Variants in BMP3 observed in about 807,000 individuals in gnomAD.
The protein encoded by BMP3 is bone morphogenetic protein 3 (osteogenic).
In BMP3, 23 loss-of-function variants were observed where a neutral mutation model predicts 38.1. That is an observed-to-expected ratio of 0.60 (90% confidence interval 0.43 to 0.86). The LOEUF is 0.86. Ranked by LOEUF, BMP3 falls within the 40% of genes least tolerant of loss-of-function variation. BMP3 has a pLI of 0.00. For missense variants in BMP3, 628 were observed against 579.6 expected (o/e 1.08, Z -0.86); for synonymous variants, 258 against 225.7 (o/e 1.14, Z -1.28).
chr4:81,031,634 T>C lies in BMP3; in HGVS notation c.316+34T>C, dbSNP rs780508247. The C allele has an allele frequency of 2.1e-5, 32 of 1,517,356 alleles. No individual in the cohort carries two copies. The Middle Eastern group carries it at 1.4e-3, about 66-fold the overall frequency. The allele number at this position is 1,517,356 out of a possible 1,614,324, so 94.0% of individuals were successfully genotyped here. A position where few individuals can be genotyped will look rare whatever the true frequency, so the allele number is the denominator to read the frequency against. On this transcript the variant is annotated intron_variant, in intron 1 of 2. Coordinates refer to ENST00000282701, the MANE Select transcript of BMP3 (RefSeq NM_001201.5). The stretch of plus-strand genomic sequence containing the variant: ...GCGAGGTGAGACTCCCTTCCCGCGG[T>C]CCCGCCCCAGCTTTCTCCCGGGACC...
At chr4:81,042,629 G>A (rs1009053203) in intron 1 of BMP3, among the ~76,000 whole-genome samples, 1 of 152,222 alleles carries the variant, frequency 6.6e-6, no homozygotes, top group African/African-American at 2.4e-5. Context: ...AGGTCACAAG[G>A]TGACTAGAAG....
chr4:81,031,455 T>C lies in BMP3; in HGVS notation c.171T>C (p.Ser57=), dbSNP rs375336433. 3 of 1,613,488 alleles carry C rather than the reference T, an allele frequency of 1.9e-6. No homozygotes were observed. In the African/African-American group the frequency reaches 4.0e-5, roughly 22 times the overall value. The stretch of plus-strand genomic sequence containing the variant: ...AGCTGCAGCCGCAAGACAAGGTCTC[T>C]GAACACATGCTGCGGCTCTATGACA... ...DSELQPQDKV[S]EHMLRLYDRY... The change falls in exon 1 of 3, where the codon TCT becomes TCC. Residue 57 remains serine (S), a synonymous_variant. Transcript: ENST00000282701.
chr4:81,041,371 A>C (rs183259857), intron 1 of BMP3, among the ~76,000 whole-genome samples: 2 of 152,338 alleles, frequency 1.3e-5, no homozygotes, highest in East Asian at 3.9e-4. Context: ...AGAATCAGAG[A>C]AGGCAAAAAT....
chr4:81,052,134 T>G (rs541676130), intron 2 of BMP3, among the ~76,000 whole-genome samples: 9 of 152,162 alleles, frequency 5.9e-5, no homozygotes, highest in African/African-American at 2.2e-4. Flanking sequence ...AAAATACCAA[T>G]CCACTGGGGC....
At chr4:81,034,486 A>C (rs985134105) in intron 1 of BMP3, among the ~76,000 whole-genome samples, 4 of 152,158 alleles carry the variant, frequency 2.6e-5, no homozygotes, top group Non-Finnish European at 5.9e-5. Flanking sequence ...TGATCTTTTA[A>C]GATACTTTAG....
At chr4:81,040,315 C>T (rs1740035506) in intron 1 of BMP3, among the ~76,000 whole-genome samples, 1 of 152,154 alleles carries the variant, frequency 6.6e-6, no homozygotes. Context: ...GTTATAGTTA[C>T]TTGCAAGGGA....
At chr4:81,051,551 G>C (rs1740400234) in intron 2 of BMP3, among the ~76,000 whole-genome samples, 1 of 152,118 alleles carries the variant, frequency 6.6e-6, no homozygotes, top group Admixed American at 6.6e-5. Flanking sequence ...TTAGATTATT[G>C]AGTCATAAAA....
rs1740473239 is a variant in BMP3 at position 81,053,854 on chromosome 4, CT to C, written c.*321del. ...CACACTGGTTTATTTTTGTAATGTT[CT>C]TTGAAAACAGAATGGAGAAGCAGCA... On this transcript the variant is annotated 3_prime_UTR_variant, in exon 3 of 3. Transcript: ENST00000282701. 1 of 171,814 alleles carries C rather than the reference CT, an allele frequency of 5.8e-6. No homozygotes were observed. The highest frequency in any genetic ancestry group is 1.2e-5 in the Non-Finnish European group (1 of 81,104). The allele number at this position is 171,814 out of a possible 1,614,324, so 10.6% of individuals were successfully genotyped here.
rs980114159 is a variant in BMP3 at position 81,055,231 on chromosome 4, G to A, written c.*1695G>A. On this transcript the variant is annotated 3_prime_UTR_variant, in exon 3 of 3. Transcript: ENST00000282701. ...TAAATGAAAGAACATCCTATACTTCGCTGTTTGTAAATTAGTATGGCATTC... is the reference window on the plus strand; with the variant it reads ...TAAATGAAAGAACATCCTATACTTCACTGTTTGTAAATTAGTATGGCATTC... 2.6e-5 allele frequency: 4 copies of A among 152,096 alleles called. No homozygotes were observed. Among genetic ancestry groups the A allele is most frequent in the Non-Finnish European group, 4.4e-5 (3 of 68,014 alleles). The allele number at this position is 152,096 out of a possible 1,614,324, so 9.4% of individuals were successfully genotyped here. A position where few individuals can be genotyped will look rare whatever the true frequency, so the allele number is the denominator to read the frequency against.
chr4:81,039,100 T>C (rs1300723593), intron 1 of BMP3, among the ~76,000 whole-genome samples: 1 of 152,220 alleles, frequency 6.6e-6, no homozygotes, highest in African/African-American at 2.4e-5. Flanking sequence ...TCCTTTTGCC[T>C]GTGCCTGAAA....
chr4:81,031,130 C>T lies in BMP3; in HGVS notation c.-155C>T. On this transcript the variant is annotated 5_prime_UTR_variant, in exon 1 of 3. Transcript: ENST00000282701. ...GGGTCAGCGCAGCAAGTGGGGCTGG[C>T]CGCTATCTCGCTGCACCCGGCCGCG... The T allele has an allele frequency of 1.3e-6, 1 of 773,664 alleles. No homozygotes were observed. Among genetic ancestry groups the T allele is most frequent in the Non-Finnish European group, 2.0e-6 (1 of 500,368 alleles). 47.9% of individuals were successfully genotyped at this position (773,664 alleles called of 1,614,324 possible).
In BMP3 at chr4:81,031,117, C is replaced by A; in HGVS notation, c.-168C>A. On this transcript the variant is annotated 5_prime_UTR_variant, in exon 1 of 3. Transcript: ENST00000282701. ...GTCAGGCTGCGCTGGGTCAGCGCAG[C>A]AAGTGGGGCTGGCCGCTATCTCGCT... 2.9e-6 allele frequency: 2 copies of A among 694,050 alleles called. No homozygotes were observed. Among genetic ancestry groups the A allele is most frequent in the Non-Finnish European group, 4.6e-6 (2 of 430,944 alleles). The allele number at this position is 694,050 out of a possible 1,614,324, so 43.0% of individuals were successfully genotyped here. A position where few individuals can be genotyped will look rare whatever the true frequency, so the allele number is the denominator to read the frequency against.
In BMP3 at chr4:81,045,985, C is replaced by T. The variant is rs772782244; in HGVS notation, c.564C>T (p.Ala188=). 6 of 1,614,034 alleles carry T rather than the reference C, an allele frequency of 3.7e-6. No individual in the cohort carries two copies. The Admixed American group carries it at 1.0e-4, about 27-fold the overall frequency. The change falls in exon 2 of 3, where the codon GCC becomes GCT. Residue 188 remains alanine, a synonymous_variant. Coordinates refer to ENST00000282701, the MANE Select transcript of BMP3 (RefSeq NM_001201.5). Reference sequence around the variant, plus strand: ...TTGGCCATCTGTCAGTGGATATGGCCAAATCTCATCGAGATATTATGTCCT... The same window carrying T: ...TTGGCCATCTGTCAGTGGATATGGCTAAATCTCATCGAGATATTATGTCCT... ...QLLGHLSVDM[A]KSHRDIMSWL...
rs3733549 is a variant in BMP3 at position 81,045,996 on chromosome 4, G to A, written c.575G>A (p.Arg192Gln). The A allele has an allele frequency of 0.081, 130,013 of 1,613,884 alleles. 6,786 individuals carry two copies. The highest frequency in any genetic ancestry group is 0.23 in the South Asian group (20,855 of 91,060). The change falls in exon 2 of 3, where the codon CGA becomes CAA. Residue 192 changes from arginine to glutamine, a missense_variant. By Grantham distance (43) the Arg-to-Gln change is conservative. Transcript: ENST00000282701. ...TCAGTGGATATGGCCAAATCTCATC[G>A]AGATATTATGTCCTGGCTGTCTAAA... ...HLSVDMAKSH[R>Q]DIMSWLSKDI... is the part of the protein sequence containing the mutation.
At position 81,056,690 on chromosome 4, in the gene BMP3, G is replaced by T. The variant is rs1356762942; in HGVS notation, c.*3154G>T. 6.6e-6 allele frequency: 1 copy of T among 152,426 alleles called. No individual in the cohort carries two copies. The highest frequency in any genetic ancestry group is 1.5e-5 in the Non-Finnish European group (1 of 68,000). 9.4% of individuals were successfully genotyped at this position (152,426 alleles called of 1,614,324 possible). A position where few individuals can be genotyped will look rare whatever the true frequency, so the allele number is the denominator to read the frequency against. On this transcript the variant is annotated 3_prime_UTR_variant, in exon 3 of 3. Coordinates refer to ENST00000282701, the MANE Select transcript of BMP3 (RefSeq NM_001201.5). ...GAAGACTGGATTCCTCAGATCTCAG[G>T]ACTATAACATTCCAGATAAATTTTT...
At chr4:81,039,099 C>T (rs1356926735) in intron 1 of BMP3, among the ~76,000 whole-genome samples, 1 of 152,136 alleles carries the variant, frequency 6.6e-6, no homozygotes, top group African/African-American at 2.4e-5. Flanking sequence ...TTCCTTTTGC[C>T]TGTGCCTGAA....
In BMP3 at chr4:81,034,427, G is replaced by A. The variant is rs145712585; in HGVS notation, c.316+2827G>A. Among the ~76,000 whole-genome samples the A allele has an allele frequency of 7.6e-4, 115 of 152,136 alleles. 1 individual carries two copies. The East Asian group carries it at 0.02, about 27-fold the overall frequency. On this transcript the variant is annotated intron_variant, in intron 1 of 2. Transcript: ENST00000282701. ...TTGATTTTGGTTTAAGTTGTCTCTGGCTACTATATGATAAAGAAGAATATT... is the reference window on the plus strand; with the variant it reads ...TTGATTTTGGTTTAAGTTGTCTCTGACTACTATATGATAAAGAAGAATATT...
At chr4:81,050,099 C>T (rs548282280) in intron 2 of BMP3, among the ~76,000 whole-genome samples, 1 of 152,326 alleles carries the variant, frequency 6.6e-6, no homozygotes, top group Non-Finnish European at 1.5e-5. Flanking sequence ...TAGATAGTTT[C>T]TGGGCTATCA....
At chr4:81,031,717 G>T (rs1339557601) in intron 1 of BMP3, 117 bp downstream of exon 1, 13 of 1,224,854 alleles carry the variant, frequency 1.1e-5, no homozygotes, top group Non-Finnish European at 1.4e-5. Flanking sequence ...ACCTTTCTCC[G>T]CCCTCCTCAG....
Sources: gnomAD v4.1 joint callset for allele counts (sites outside exome capture counted in the v4.1 genomes callset) on GRCh38, gnomAD v4.1.1 for gene constraint, MANE v1.5 for transcripts, NCBI Gene and HGNC (gene_info 2026-07-23, HGNC 2026-07-21) for gene names.